The following PABIR2 variants were observed in gnomAD, a reference collection of about 807,000 sequenced individuals.
PABIR2 encodes PABIR family member 2, also known as family with sequence similarity 122B.
PABIR2 carries 7 observed loss-of-function variants against 22.8 expected under a neutral mutation model. The observed-to-expected ratio is 0.31, with a 90% confidence interval of 0.17 to 0.58. The LOEUF (loss-of-function observed/expected upper bound fraction) is 0.58, where lower values mean the gene tolerates loss of function less well. PABIR2 is among the 20% of genes least tolerant of loss of function. PABIR2 has a pLI of 0.89. For missense variants in PABIR2, 155 were observed against 205.1 expected (o/e 0.76, Z 1.49); for synonymous variants, 67 against 73.8 (o/e 0.91, Z 0.47).
rs748839424 is a variant in PABIR2, at chrX:134,787,195, G to T, written c.497+277C>A. ...GCTCACTGCAACCTCCGCCTGCTTGGTTCAAGCGATTCTCCTGCCTCAGCC... is the reference window on the plus strand; with the variant it reads ...GCTCACTGCAACCTCCGCCTGCTTGTTTCAAGCGATTCTCCTGCCTCAGCC... On this transcript the variant is annotated intron_variant, in intron 7 of 9. Transcript: ENST00000343004. Among the ~76,000 whole-genome samples the T allele has an allele frequency of 9.4e-5, 10 of 106,827 alleles. No individual in the cohort carries two copies. The East Asian group carries it at 3.0e-3, about 32-fold the overall frequency. 92.8% of individuals were successfully genotyped at this position (106,827 alleles called of 115,157 possible).
chrX:134,792,351 G>GT (rs1172275448), intron 2 of PABIR2, among the ~76,000 whole-genome samples: 3 of 112,109 alleles, frequency 2.7e-5, no homozygotes, highest in African/African-American at 9.7e-5. Flanking sequence ...TACAAAAGAG[G>GT]TAAGTGAAGT....
At chrX:134,772,528 A>T (rs2078861148) in intron 9 of PABIR2, among the ~76,000 whole-genome samples, 1 of 111,520 alleles carries the variant, frequency 9.0e-6, no homozygotes, top group South Asian at 3.8e-4. Flanking sequence ...CCTAACCTAC[A>T]ATAAACGTTC....
chrX:134,773,941 G>A (rs1222682782), intron 9 of PABIR2, among the ~76,000 whole-genome samples: 2 of 111,608 alleles, frequency 1.8e-5, no homozygotes, highest in African/African-American at 6.5e-5. Flanking sequence ...CCCCACCCTT[G>A]CTTCTCTACT....
chrX:134,792,394 T>C (rs1005501173), intron 2 of PABIR2, among the ~76,000 whole-genome samples: 2 of 112,243 alleles, frequency 1.8e-5, no homozygotes, highest in South Asian at 3.7e-4. Flanking sequence ...CCTTCTTTGC[T>C]ATGCTACTGT....
intron 2 of PABIR2, among the ~76,000 whole-genome samples, chrX:134,789,948 T>C (rs932551564): frequency 2.7e-5 from 3 of 111,432 alleles, no homozygotes; most frequent in African/African-American, 9.8e-5. Context: ...TTATCCCACT[T>C]ATCTAAAATA....
At chrX:134,789,881 G>C in intron 2 of PABIR2, among the ~76,000 whole-genome samples, 1 of 111,769 alleles carries the variant, frequency 8.9e-6, no homozygotes, top group Non-Finnish European at 1.9e-5. Flanking sequence ...TTTCCCAAAT[G>C]AATGTGAAGC....
chrX:134,791,947 T>C (rs1374007727), intron 2 of PABIR2, among the ~76,000 whole-genome samples: 1 of 111,661 alleles, frequency 9.0e-6, no homozygotes, highest in Non-Finnish European at 1.9e-5. Context: ...AAAATTTCCA[T>C]CACTTGGAGT....
intron 2 of PABIR2, among the ~76,000 whole-genome samples, chrX:134,790,963 A>T (rs762002407): frequency 9.8e-5 from 11 of 112,222 alleles, no homozygotes; most frequent in Non-Finnish European, 2.1e-4. Context: ...AGACTGTGGA[A>T]GAGAGCGCAG....
In PABIR2 at chrX:134,774,495, C is replaced by T. The variant is rs1169951301; in HGVS notation, c.660-2212G>A. On this transcript the variant is annotated intron_variant, in intron 9 of 9. Transcript: ENST00000343004. ...CTAACCACCAGACTTACGGTGAGCC[C>T]TGGGTTAAAAGATTCCATTTGTAAT... Among the ~76,000 whole-genome samples the T allele has an allele frequency of 2.7e-5, 3 of 110,940 alleles. No individual in the cohort carries two copies. In the East Asian group the frequency reaches 8.4e-4, roughly 31 times the overall value.
At chrX:134,791,343 G>A (rs1437961525) in intron 2 of PABIR2, among the ~76,000 whole-genome samples, 1 of 111,498 alleles carries the variant, frequency 9.0e-6, no homozygotes, top group African/African-American at 3.3e-5. Flanking sequence ...TGCAAGAACA[G>A]TTTTTTAATG....
At position 134,785,870 on chromosome X, in the gene PABIR2, C is replaced by T; in HGVS notation, c.562+16G>A. On this transcript the variant is annotated intron_variant, in intron 8 of 9. Transcript: ENST00000343004. ...GACACAGTAGCATTAGCTATAGTCA[C>T]CACGCTGCTACATACCTTTTCTTTT... The T allele has an allele frequency of 1.7e-6, 2 of 1,201,693 alleles. No homozygotes were observed.
chrX:134,781,254 C>T (rs190733003), intron 9 of PABIR2, among the ~76,000 whole-genome samples: 30 of 112,648 alleles, frequency 2.7e-4, no homozygotes, highest in Non-Finnish European at 3.8e-4. Context: ...TTCACATTAT[C>T]CTCCATAGAG....
chrX:134,775,595 T>C (rs959324529), intron 9 of PABIR2, among the ~76,000 whole-genome samples: 2 of 109,065 alleles, frequency 1.8e-5, no homozygotes, highest in African/African-American at 6.7e-5. Flanking sequence ...GGATGAAGTA[T>C]GAGCAACTCA....
At chrX:134,782,824 T>A (rs1230150863) in intron 8 of PABIR2, among the ~76,000 whole-genome samples, 1 of 112,545 alleles carries the variant, frequency 8.9e-6, no homozygotes, top group Admixed American at 9.4e-5. Context: ...TTGTCCATGT[T>A]ATCAACTAAT....
At chrX:134,780,764 C>T (rs968408543) in intron 9 of PABIR2, among the ~76,000 whole-genome samples, 17 of 111,830 alleles carry the variant, frequency 1.5e-4, no homozygotes, top group African/African-American at 5.2e-4. Context: ...CATGAGCACT[C>T]AAGTGCTCAA....
intron 2 of PABIR2, among the ~76,000 whole-genome samples, chrX:134,793,285 T>TA (rs2079604637): frequency 1.8e-5 from 2 of 112,039 alleles, no homozygotes; most frequent in Admixed American, 9.5e-5. Context: ...TGCTACTATA[T>TA]AAAAAACCTC....
intron 8 of PABIR2, among the ~76,000 whole-genome samples, chrX:134,782,364 T>C (rs183867819): frequency 5.3e-5 from 6 of 112,385 alleles, no homozygotes; most frequent in African/African-American, 1.9e-4. Flanking sequence ...GTCTGATAAG[T>C]AGTGTATAAG....
intron 2 of PABIR2, chrX:134,791,611 A>G (rs751842990): frequency 1.8e-5 from 6 of 328,640 alleles, no homozygotes; most frequent in Non-Finnish European, 3.5e-5. Flanking sequence ...GCAAAGCAAC[A>G]GGAGAGTCAA....
chrX:134,793,185 T>C (rs2079601679), intron 2 of PABIR2, among the ~76,000 whole-genome samples: 1 of 112,119 alleles, frequency 8.9e-6, no homozygotes, highest in Non-Finnish European at 1.9e-5. Context: ...TATGGAAATC[T>C]AGTTCTGCCA....
Sources: gnomAD v4.1 joint callset for allele counts (sites outside exome capture counted in the v4.1 genomes callset) on GRCh38, gnomAD v4.1.1 for gene constraint, MANE v1.5 for transcripts, NCBI Gene and HGNC (gene_info 2026-07-23, HGNC 2026-07-21) for gene names.